The following EXO1 variants were observed in gnomAD, a reference collection of about 807,000 sequenced individuals.
The protein encoded by EXO1 is exonuclease 1.
Under a neutral mutation model 84.5 loss-of-function variants are expected in EXO1, and 69 were observed. The observed-to-expected ratio is 0.82, with a 90% CI of 0.67 to 1.00. The LOEUF (loss-of-function observed/expected upper bound fraction) is 1.00, where lower values mean the gene tolerates loss of function less well. Ranked by LOEUF, EXO1 falls within the 50% of genes least tolerant of loss-of-function variation. The pLI is 0.00. For synonymous variants in EXO1, 373 were observed against 366.1 expected, an observed-to-expected ratio of 1.02 and a Z score of -0.21; for missense variants, 1,045 against 1,000.7, an observed-to-expected ratio of 1.04 and a Z score of -0.60.
chr1:241,869,744 CTCCCTCCTTCCTTCCTTCCT>C, intron 11 of EXO1, among the ~76,000 whole-genome samples: 2 of 112,710 alleles, frequency 1.8e-5, no homozygotes, highest in African/African-American at 3.5e-5. Context: ...CCTTCCCTCC[CTCCCTCCTTCCTTCCTTCCT>C]TCCCTCCCTC....
At chr1:241,880,840 CTG>C (rs551282768) in intron 13 of EXO1, among the ~76,000 whole-genome samples, 95 of 152,226 alleles carry the variant, frequency 6.2e-4, no homozygotes, top group African/African-American at 2.0e-3. Flanking sequence ...ACCATAGATT[CTG>C]TGTTGAGTTC....
At chr1:241,886,580 T>G (rs993257653) in intron 15 of EXO1, among the ~76,000 whole-genome samples, 1 of 152,220 alleles carries the variant, frequency 6.6e-6, no homozygotes, top group Non-Finnish European at 1.5e-5. Flanking sequence ...AGTCTAGGAT[T>G]AAACCATATG....
chr1:241,851,770 C>A (rs986384021), intron 4 of EXO1, among the ~76,000 whole-genome samples: 1 of 152,172 alleles, frequency 6.6e-6, no homozygotes, highest in African/African-American at 2.4e-5. Flanking sequence ...TCCCGCAGAA[C>A]TGGTTGTTAA....
intron 6 of EXO1, among the ~76,000 whole-genome samples, chr1:241,856,366 C>T (rs1337665318): frequency 6.6e-6 from 1 of 151,192 alleles, no homozygotes; most frequent in Non-Finnish European, 1.5e-5. Flanking sequence ...TAGATTTTGA[C>T]ACAGCGGCTA....
At chr1:241,887,011 A>G (rs1184225177) in intron 15 of EXO1, among the ~76,000 whole-genome samples, 1 of 152,184 alleles carries the variant, frequency 6.6e-6, no homozygotes, top group Admixed American at 6.5e-5. Flanking sequence ...GAAAATATAT[A>G]CTTTGATAGC....
intron 7 of EXO1, among the ~76,000 whole-genome samples, chr1:241,858,022 C>G (rs1243612322): frequency 6.6e-6 from 1 of 152,066 alleles, no homozygotes; most frequent in Non-Finnish European, 1.5e-5. Flanking sequence ...CTAGAAGGGT[C>G]TCTATCAAAA....
At chr1:241,876,941 A>G (rs976858824) in intron 12 of EXO1, among the ~76,000 whole-genome samples, 3 of 152,226 alleles carry the variant, frequency 2.0e-5, no homozygotes, top group Admixed American at 1.3e-4. Flanking sequence ...AAAATGGATG[A>G]TTATATACAT....
intron 11 of EXO1, among the ~76,000 whole-genome samples, chr1:241,868,992 T>G (rs2148468066): frequency 6.6e-6 from 1 of 152,354 alleles, no homozygotes; most frequent in South Asian, 2.1e-4. Flanking sequence ...TTTTGTGGAC[T>G]ATGTAGGATT....
chr1:241,851,465 G>A (rs549792984), intron 4 of EXO1, among the ~76,000 whole-genome samples: 10 of 152,198 alleles, frequency 6.6e-5, no homozygotes, highest in African/African-American at 9.6e-5. Flanking sequence ...CTAAGTTTGC[G>A]TTATGCAAAA....
chr1:241,849,796 G>C (rs1331037819), intron 3 of EXO1, among the ~76,000 whole-genome samples: 1 of 152,150 alleles, frequency 6.6e-6, no homozygotes, highest in Non-Finnish European at 1.5e-5. Flanking sequence ...GGTTTTGTTT[G>C]TGCCTGGCTC....
Position 241,879,010 on chromosome 1 carries a change from A to G in EXO1, c.1776A>G (p.Lys592=), listed in dbSNP as rs145018286. The change falls in exon 13 of 16, where the codon AAA becomes AAG. Residue 592 remains lysine, a synonymous_variant. Coordinates refer to ENST00000366548, the MANE Select transcript of EXO1 (RefSeq NM_130398.4). Reference sequence around the variant, plus strand: ...AGTCCTACTCTTTTGAGAGCAGCAAATTTACAAGGACCATTTCACCACCCA... The same window carrying G: ...AGTCCTACTCTTTTGAGAGCAGCAAGTTTACAAGGACCATTTCACCACCCA... ...DEESYSFESS[K]FTRTISPPTL... 2.6e-5 allele frequency: 42 copies of G among 1,614,176 alleles called. No individual in the cohort carries two copies. In the African/African-American group the frequency reaches 5.2e-4, roughly 20 times the overall value.
intron 15 of EXO1, among the ~76,000 whole-genome samples, chr1:241,887,458 A>T (rs1663130154): frequency 6.6e-6 from 1 of 152,218 alleles, no homozygotes; most frequent in Non-Finnish European, 1.5e-5. Context: ...TTTATTATAC[A>T]ATATAAGAAA....
intron 12 of EXO1, among the ~76,000 whole-genome samples, chr1:241,874,174 G>C (rs1271136856): frequency 6.6e-6 from 1 of 152,178 alleles, no homozygotes; most frequent in African/African-American, 2.4e-5. Context: ...CCAAGTGGGT[G>C]GATCACCTGA....
chr1:241,865,315 G>T (rs1364103007), intron 10 of EXO1, among the ~76,000 whole-genome samples: 3 of 150,798 alleles, frequency 2.0e-5, no homozygotes, highest in Admixed American at 1.3e-4. Flanking sequence ...AGTTTCAAGT[G>T]GTTCTCCTGC....
Position 241,878,895 on chromosome 1 carries a change from A to G in EXO1, c.1661A>G (p.Asp554Gly). ...DQEGKRLVDTDVARNSSDDIP... is the reference protein window; with the variant it reads ...DQEGKRLVDTGVARNSSDDIP... ...GAAGGCAAGAGACTGGTTGACACAG[A>G]TGTAGCACGTAATTCAAGTGATGAC... The change falls in exon 13 of 16, where the codon GAT (aspartate) becomes GGT (glycine). Residue 554 changes from aspartate (D) to glycine (G), a missense_variant. Asp to Gly is a moderately conservative substitution (Grantham distance 94, BLOSUM62 -1). Coordinates refer to ENST00000366548, the MANE Select transcript of EXO1 (RefSeq NM_130398.4). 3 of 1,614,184 alleles carry G rather than the reference A, an allele frequency of 1.9e-6. No homozygotes were observed. Among genetic ancestry groups the G allele is most frequent in the Non-Finnish European group, 2.5e-6 (3 of 1,180,030 alleles).
At chr1:241,877,742 A>G (rs1189898632) in intron 12 of EXO1, among the ~76,000 whole-genome samples, 1 of 152,088 alleles carries the variant, frequency 6.6e-6, no homozygotes, top group African/African-American at 2.4e-5. Flanking sequence ...AAGCTGCTAT[A>G]CTGAATAAGT....
intron 15 of EXO1, among the ~76,000 whole-genome samples, chr1:241,886,089 G>T (rs1663055259): frequency 6.6e-6 from 1 of 152,070 alleles, no homozygotes; most frequent in Non-Finnish European, 1.5e-5. Context: ...CCAACCTCAG[G>T]TGATCCACCC....
At chr1:241,860,976 A>T (rs984194504) in intron 9 of EXO1, among the ~76,000 whole-genome samples, 1 of 152,232 alleles carries the variant, frequency 6.6e-6, no homozygotes, top group Non-Finnish European at 1.5e-5. Flanking sequence ...TACGGTACAC[A>T]TTCCAAAGGT....
At position 241,878,857 on chromosome 1, in the gene EXO1, G is replaced by T. The variant is rs1292347538; in HGVS notation, c.1623G>T (p.Glu541Asp). Residue 541 changes from glutamate to aspartate, a missense_variant, in exon 13 of 16, where the codon GAG becomes GAT. By Grantham distance (45) the Glu-to-Asp change is conservative. Coordinates refer to ENST00000366548, the MANE Select transcript of EXO1 (RefSeq NM_130398.4). ...TDKENNLHES[E>D]YGDQEGKRLV... ...AAGAGAACAATCTGCATGAATCAGA[G>T]TATGGAGACCAAGAAGGCAAGAGAC... The T allele has an allele frequency of 2.5e-6, 4 of 1,614,062 alleles. No individual in the cohort carries two copies. Among genetic ancestry groups the T allele is most frequent in the Non-Finnish European group, 3.4e-6 (4 of 1,179,910 alleles).
Sources: gnomAD v4.1 joint callset for allele counts (sites outside exome capture counted in the v4.1 genomes callset) on GRCh38, gnomAD v4.1.1 for gene constraint, MANE v1.5 for transcripts, NCBI Gene and HGNC (gene_info 2026-07-23, HGNC 2026-07-21) for gene names.